Variants in NIPAL3 observed in about 807,000 individuals in gnomAD.
NIPAL3 encodes NIPA-like protein 3.
In NIPAL3, 41 loss-of-function variants were observed where a neutral mutation model predicts 47.2. That is an observed-to-expected ratio of 0.87 (90% CI 0.68 to 1.13). The LOEUF (loss-of-function observed/expected upper bound fraction) is 1.13. Among genes scored for constraint, NIPAL3 ranks in the 50% most tolerant of loss-of-function variants. The pLI is 0.00. For missense variants in NIPAL3, 449 were observed against 530.1 expected (o/e 0.85, Z 1.50); for synonymous variants, 194 against 209.6 (o/e 0.93, Z 0.64).
chr1:24,466,231 C>G, intron 11 of NIPAL3: 2 of 722,820 alleles, frequency 2.8e-6, no homozygotes, highest in Non-Finnish European at 4.5e-6. Context: ...CAGCAGCAGA[C>G]AAGGCCACTC....
intron 11 of NIPAL3, among the ~76,000 whole-genome samples, chr1:24,466,962 G>A (rs1207254966): frequency 6.6e-6 from 1 of 152,204 alleles, no homozygotes; most frequent in Non-Finnish European, 1.5e-5. Flanking sequence ...CATTTGCAGA[G>A]TGGGTAAGAG....
intron 2 of NIPAL3, among the ~76,000 whole-genome samples, chr1:24,428,324 GCC>G (rs2148769824): frequency 7.0e-6 from 1 of 142,964 alleles, no homozygotes; most frequent in East Asian, 2.1e-4. Flanking sequence ...TTTCCCCAAA[GCC>G]AGCTATAAAA....
chr1:24,420,778 G>A (rs531794635), intron 2 of NIPAL3, among the ~76,000 whole-genome samples: 3 of 152,318 alleles, frequency 2.0e-5, no homozygotes, highest in East Asian at 3.9e-4. Context: ...TTGCTCAACA[G>A]ATCCTCATTG....
At chr1:24,427,737 G>C (rs867203862) in intron 2 of NIPAL3, among the ~76,000 whole-genome samples, 3 of 152,142 alleles carry the variant, frequency 2.0e-5, no homozygotes, top group Non-Finnish European at 4.4e-5. Context: ...AGAGAAGGGT[G>C]CACAGAAAGG....
chr1:24,419,251 C>T (rs1319249172), intron 1 of NIPAL3, 40 bp from the exon 2 acceptor site: 2 of 1,039,212 alleles, frequency 1.9e-6, no homozygotes, highest in Non-Finnish European at 2.3e-6. Context: ...TCAGTGTTTC[C>T]TTGTCCATGC....
intron 2 of NIPAL3, among the ~76,000 whole-genome samples, chr1:24,429,298 G>C (rs1188483384): frequency 1.3e-5 from 2 of 152,072 alleles, no homozygotes; most frequent in Non-Finnish European, 2.9e-5. Context: ...TGTAGTCCCA[G>C]CTACTCAGGA....
chr1:24,440,125 C>T lies in NIPAL3; in HGVS notation c.94-47C>T, dbSNP rs184177955. 1.3e-4 allele frequency: 187 copies of T among 1,461,966 alleles called. No individual in the cohort carries two copies. In the East Asian group the frequency reaches 4.3e-3, roughly 33 times the overall value. The allele number at this position is 1,461,966 out of a possible 1,614,324, so 90.6% of individuals were successfully genotyped here. On this transcript the variant is annotated intron_variant, in intron 2 of 11. Transcript: ENST00000374399. ...AGTGTCAGAAGTGTCCTGGGGCCCC[C>T]TGGCTTGTGCCCAAATCATGTCCAC...
chr1:24,431,310 G>A (rs187917819), intron 2 of NIPAL3, among the ~76,000 whole-genome samples: 5 of 152,294 alleles, frequency 3.3e-5, no homozygotes, highest in African/African-American at 9.6e-5. Context: ...GTAAATGAAG[G>A]ACAAGCCTTT....
At chr1:24,439,522 T>C (rs1181733370) in intron 2 of NIPAL3, among the ~76,000 whole-genome samples, 3 of 152,194 alleles carry the variant, frequency 2.0e-5, no homozygotes, top group Non-Finnish European at 2.9e-5. Context: ...TTTTCTATTA[T>C]GGTGGTGTTG....
At chr1:24,442,771 A>G (rs955458841) in intron 4 of NIPAL3, among the ~76,000 whole-genome samples, 4 of 152,066 alleles carry the variant, frequency 2.6e-5, no homozygotes, top group African/African-American at 4.8e-5. Flanking sequence ...GGCAACATGG[A>G]GAGACCCCAT....
rs760842725 is a variant in NIPAL3, at chr1:24,442,155, T to C, written c.263T>C (p.Leu88Pro). ...CTGTTCCTGATGCTTCTGGGCGAGC[T>C]GGGTGTGTTCGCCTCCTACGCCTTC... ...LGLFLMLLGE[L>P]GVFASYAFAP... Residue 88 changes from leucine (L) to proline (P), a missense_variant, in exon 4 of 12, where the codon CTG becomes CCG. Coordinates refer to ENST00000374399, the MANE Select transcript of NIPAL3 (RefSeq NM_020448.5). 1 of 1,614,194 alleles carries C rather than the reference T, an allele frequency of 6.2e-7. No individual in the cohort carries two copies. Among genetic ancestry groups the C allele is most frequent in the Non-Finnish European group, 8.5e-7 (1 of 1,180,034 alleles).
chr1:24,472,690 G>A lies in NIPAL3; in HGVS notation c.*3505G>A, dbSNP rs187852328. The A allele has an allele frequency of 1.6e-4, 25 of 152,202 alleles. No individual in the cohort carries two copies. The highest frequency in any genetic ancestry group is 5.8e-4 in the African/African-American group (24 of 41,530). The allele number at this position is 152,202 out of a possible 1,614,324, so 9.4% of individuals were successfully genotyped here. A position where few individuals can be genotyped will look rare whatever the true frequency, so the allele number is the denominator to read the frequency against. On this transcript the variant is annotated 3_prime_UTR_variant, in exon 12 of 12. Transcript: ENST00000374399. ...TCTAGTGGAAACCAGCCAGTTTGAC[G>A]GCACGGTGCGGATACAGGACTCCAT...
intron 2 of NIPAL3, among the ~76,000 whole-genome samples, chr1:24,432,100 CT>C (rs1157832559): frequency 3.3e-5 from 5 of 152,148 alleles, no homozygotes; most frequent in Non-Finnish European, 7.3e-5. Flanking sequence ...CCTCCCTTCT[CT>C]GTACTTCTTG....
intron 3 of NIPAL3, among the ~76,000 whole-genome samples, chr1:24,441,102 C>T (rs1003423454): frequency 6.6e-6 from 1 of 152,194 alleles, no homozygotes. Flanking sequence ...TACCTGCTAA[C>T]AGGATGAATC....
chr1:24,444,671 G>C (rs889927174), intron 4 of NIPAL3, among the ~76,000 whole-genome samples: 1 of 152,174 alleles, frequency 6.6e-6, no homozygotes, highest in Admixed American at 6.5e-5. Context: ...CTTTCGGGCA[G>C]TCCCAAGGGC....
intron 7 of NIPAL3, among the ~76,000 whole-genome samples, chr1:24,455,871 G>C (rs184248746): frequency 1.3e-5 from 2 of 152,336 alleles, no homozygotes; most frequent in Admixed American, 1.3e-4. Context: ...TGGCAGTTTA[G>C]AAGTGATGTC....
rs958012405 is a variant in NIPAL3, at chr1:24,451,905, C to G, written c.541-1503C>G. Reference sequence around the variant, plus strand: ...AACTAAAAACAGCCCAGTACAAAATCGTGCATTGACTATAATGACAACTCG... The same window carrying G: ...AACTAAAAACAGCCCAGTACAAAATGGTGCATTGACTATAATGACAACTCG... On this transcript the variant is annotated intron_variant, in intron 6 of 11. Coordinates refer to ENST00000374399, the MANE Select transcript of NIPAL3 (RefSeq NM_020448.5). This position sits in a 1 kb window ranked among gnomAD's most constrained non-coding sequence, Gnocchi z 4.5. Among the ~76,000 whole-genome samples, 1 of 152,138 alleles carries G rather than the reference C, an allele frequency of 6.6e-6. No homozygotes were observed. Among genetic ancestry groups the G allele is most frequent in the Admixed American group, 6.5e-5 (1 of 15,288 alleles).
At chr1:24,462,904 C>A (rs957839869) in intron 10 of NIPAL3, among the ~76,000 whole-genome samples, 95 of 152,208 alleles carry the variant, frequency 6.2e-4, no homozygotes, top group African/African-American at 2.2e-3. Context: ...TCGAGACCAG[C>A]CTGGTGGTTT....
At position 24,469,036 on chromosome 1, in the gene NIPAL3, G is replaced by A; in HGVS notation, c.1072G>A (p.Ala358Thr). ...KGMTVQPELK[A>T]SFSYGALENN... ...GATGACTGTCCAGCCTGAACTTAAAGCTTCTTTTTCCTATGGGGCTCTGGA... is the reference window on the plus strand; with the variant it reads ...GATGACTGTCCAGCCTGAACTTAAAACTTCTTTTTCCTATGGGGCTCTGGA... The change falls in exon 12 of 12, where the codon GCT (alanine) becomes ACT (threonine). Residue 358 changes from alanine (A) to threonine (T), a missense_variant. By Grantham distance (58) the Ala-to-Thr change is moderately conservative. Transcript: ENST00000374399. 1 of 1,614,140 alleles carries A rather than the reference G, an allele frequency of 6.2e-7. No individual in the cohort carries two copies. The highest frequency in any genetic ancestry group is 8.5e-7 in the Non-Finnish European group (1 of 1,180,030).
Sources: gnomAD v4.1 joint callset for allele counts (sites outside exome capture counted in the v4.1 genomes callset) on GRCh38, gnomAD v4.1.1 for gene constraint, Gnocchi (gnomAD v3.1) non-coding constraint, MANE v1.5 for transcripts, NCBI Gene and HGNC (gene_info 2026-07-23, HGNC 2026-07-21) for gene names.